Variants in EPGN observed in about 807,000 individuals in gnomAD.
EPGN encodes epithelial mitogen, also known as epigen.
A neutral mutation model predicts 20.7 loss-of-function variants in EPGN; 21 were observed. The observed-to-expected ratio is 1.01, with a 90% confidence interval of 0.72 to 1.46. The LOEUF (loss-of-function observed/expected upper bound fraction) is 1.46. EPGN is among the 40% of genes most tolerant of loss of function. EPGN has a pLI of 0.00. For missense variants in EPGN, 199 were observed against 180.7 expected (o/e 1.10, Z -0.58); for synonymous variants, 69 against 63.8 (o/e 1.08, Z -0.39).
intron 1 of EPGN, among the ~76,000 whole-genome samples, chr4:74,308,846 A>G (rs971843309): frequency 1.3e-5 from 2 of 152,132 alleles, no homozygotes; most frequent in Non-Finnish European, 2.9e-5. Context: ...TAGGGTTCTT[A>G]TTTTTTAATT....
At chr4:74,309,313 G>A (rs1283614463) in intron 2 of EPGN, 131 bp downstream of exon 2, 3 of 620,362 alleles carry the variant, frequency 4.8e-6, no homozygotes, top group African/African-American at 1.9e-5. Context: ...TCTTTTAGCA[G>A]GATGCTGTTA....
Position 74,314,810 on chromosome 4 carries a change from A to G in EPGN, c.*173A>G, listed in dbSNP as rs1219150150. On this transcript the variant is annotated 3_prime_UTR_variant, in exon 5 of 5. Coordinates refer to ENST00000413830, the MANE Select transcript of EPGN (RefSeq NM_001270989.2). ...TCAGCGTTGGCCTTTAGACTTTGCC[A>G]TCCTTAAGGAGTGATGGAAGCCAAG... 1.6e-6 allele frequency: 1 copy of G among 635,738 alleles called. No individual in the cohort carries two copies. The highest frequency in any genetic ancestry group is 1.8e-5 in the African/African-American group (1 of 54,300). The allele number at this position is 635,738 out of a possible 1,614,324, so 39.4% of individuals were successfully genotyped here.
chr4:74,309,199 T>G lies in EPGN; in HGVS notation c.133+17T>G, dbSNP rs1455582359. On this transcript the variant is annotated intron_variant, in intron 2 of 4. Transcript: ENST00000413830. Reference sequence around the variant, plus strand: ...AAACAGAAGGTATTTTCTTCCCATTTTCATATTTCACAAGACTTTTCTAAA... The same window carrying G: ...AAACAGAAGGTATTTTCTTCCCATTGTCATATTTCACAAGACTTTTCTAAA... The G allele has an allele frequency of 6.2e-7, 1 of 1,605,904 alleles. No homozygotes were observed. Among genetic ancestry groups the G allele is most frequent in the South Asian group, 1.1e-5 (1 of 89,934 alleles).
At chr4:74,312,390 T>G in intron 3 of EPGN, 85 bp downstream of exon 3, 1 of 1,454,886 alleles carries the variant, frequency 6.9e-7, no homozygotes, top group Non-Finnish European at 9.1e-7. Flanking sequence ...TCCACACTTT[T>G]CTCTCTTTAG....
intron 1 of EPGN, 64 bp downstream of exon 1, chr4:74,308,640 T>C: frequency 1.4e-6 from 2 of 1,411,290 alleles, no homozygotes; most frequent in Non-Finnish European, 2.0e-6. Context: ...GAATTTATTT[T>C]CTCTGCATTA....
rs1751204731 is a variant in EPGN, at chr4:74,315,003, G to A, written c.*366G>A. On this transcript the variant is annotated 3_prime_UTR_variant, in exon 5 of 5. Coordinates refer to ENST00000413830, the MANE Select transcript of EPGN (RefSeq NM_001270989.2). The stretch of plus-strand genomic sequence containing the variant: ...CAACCTTGCAGCAAGCCAAAGCAAT[G>A]CCTCGCTTGGGTTCTTCATGTTCTT... The A allele has an allele frequency of 9.3e-6, 2 of 214,972 alleles. No individual in the cohort carries two copies. Among genetic ancestry groups the A allele is most frequent in the Non-Finnish European group, 1.8e-5 (2 of 108,976 alleles). The allele number at this position is 214,972 out of a possible 1,614,324, so 13.3% of individuals were successfully genotyped here. A position where few individuals can be genotyped will look rare whatever the true frequency, so the allele number is the denominator to read the frequency against.
At chr4:74,309,051 A>C in intron 1 of EPGN, 42 bp from the exon 2 acceptor site, 1 of 1,404,234 alleles carries the variant, frequency 7.1e-7, no homozygotes, top group Non-Finnish European at 1.0e-6. Context: ...TGTACATAGA[A>C]GGAGGCTCTC....
chr4:74,316,063 A>G lies in EPGN; in HGVS notation c.*1426A>G, dbSNP rs1278583181. On this transcript the variant is annotated 3_prime_UTR_variant, in exon 5 of 5. Transcript: ENST00000413830. ...TATTTGTGCTTTTGTTTCATCTTCT[A>G]CAAGGCCCTCTTAGCTCTAAAACTT... 2.0e-5 allele frequency among the ~76,000 whole-genome samples: 3 copies of G among 152,048 alleles called. No individual in the cohort carries two copies. The highest frequency in any genetic ancestry group is 6.6e-5 in the Admixed American group (1 of 15,254).
At position 74,309,182 on chromosome 4, in the gene EPGN, G is replaced by A. The variant is rs752904414; in HGVS notation, c.133G>A (p.Ala45Thr). The A allele has an allele frequency of 6.2e-7, 1 of 1,609,856 alleles. No individual in the cohort carries two copies. The highest frequency in any genetic ancestry group is 2.2e-5 in the East Asian group (1 of 44,650). ...TAACTGGACAGTTAACAAAACAGAA[G>A]GTATTTTCTTCCCATTTTCATATTT... ...QGNWTVNKTE[A>T]DNIEGPIALK... is the part of the protein sequence containing the mutation. The change falls in exon 2 of 5, where the codon GCT (alanine) becomes ACT (threonine). Residue 45 changes from alanine (A) to threonine (T), a missense_variant and splice_region_variant. Coordinates refer to ENST00000413830, the MANE Select transcript of EPGN (RefSeq NM_001270989.2).
chr4:74,315,812 C>G lies in EPGN; in HGVS notation c.*1175C>G, dbSNP rs1402330217. Among the ~76,000 whole-genome samples, 7 of 151,762 alleles carry G rather than the reference C, an allele frequency of 4.6e-5. No homozygotes were observed. The highest frequency in any genetic ancestry group is 1.0e-4 in the Non-Finnish European group (7 of 67,946). On this transcript the variant is annotated 3_prime_UTR_variant, in exon 5 of 5. Transcript: ENST00000413830. ...ACTAAAAATACAAAAATTAGCTGGG[C>G]GTGGTGGTGCATGCCTGTAATCCCA...
chr4:74,314,072 C>T (rs1203710677), intron 4 of EPGN: 3 of 455,484 alleles, frequency 6.6e-6, no homozygotes, highest in African/African-American at 6.0e-5. Context: ...GCGGAGCCTT[C>T]AGATAGAGAT....
chr4:74,314,526 A>G, intron 4 of EPGN, 54 bp from the exon 5 acceptor site: 10 of 1,509,854 alleles, frequency 6.6e-6, no homozygotes, highest in South Asian at 1.2e-5. Context: ...GTAAGCTTCA[A>G]TGACCTATAT....
chr4:74,314,774 G>A lies in EPGN; in HGVS notation c.*137G>A. On this transcript the variant is annotated 3_prime_UTR_variant, in exon 5 of 5. Coordinates refer to ENST00000413830, the MANE Select transcript of EPGN (RefSeq NM_001270989.2). ...GAAAGTTGGGATCACAATGAAATGAGAAGATAAAATTCAGCGTTGGCCTTT... is the reference window on the plus strand; with the variant it reads ...GAAAGTTGGGATCACAATGAAATGAAAAGATAAAATTCAGCGTTGGCCTTT... The A allele has an allele frequency of 3.6e-6, 3 of 843,702 alleles. No individual in the cohort carries two copies. The South Asian group carries it at 5.2e-5, about 15-fold the overall frequency. 52.3% of individuals were successfully genotyped at this position (843,702 alleles called of 1,614,324 possible). A position where few individuals can be genotyped will look rare whatever the true frequency, so the allele number is the denominator to read the frequency against.
chr4:74,308,993 A>G, intron 1 of EPGN, 100 bp from the exon 2 acceptor site: 1 of 904,056 alleles, frequency 1.1e-6, no homozygotes, highest in South Asian at 1.7e-5. Flanking sequence ...TAAATTAAAA[A>G]AATAGAAATT....
At position 74,314,670 on chromosome 4, in the gene EPGN, G is replaced by C; in HGVS notation, c.*33G>C. The C allele has an allele frequency of 2.6e-6, 4 of 1,527,258 alleles. No homozygotes were observed. The highest frequency in any genetic ancestry group is 3.5e-6 in the Non-Finnish European group (4 of 1,139,718). 94.6% of individuals were successfully genotyped at this position (1,527,258 alleles called of 1,614,324 possible). On this transcript the variant is annotated 3_prime_UTR_variant, in exon 5 of 5. Transcript: ENST00000413830. ...GTGAAGAATTTTCATCAAGGCATCT[G>C]TAGAGATCAGTGAGCCCAAAATTAA...
chr4:74,309,139 A>G lies in EPGN; in HGVS notation c.90A>G (p.Pro30=). ...TEEAAVTVTP[P]ITAQQGNWTV... is the part of the protein sequence containing the mutation. The stretch of plus-strand genomic sequence containing the variant: ...AGGCAGCCGTGACTGTAACACCTCC[A>G]ATCACAGCCCAGCAAGGTAACTGGA... The change falls in exon 2 of 5, where the codon CCA becomes CCG. Residue 30 remains proline, a synonymous_variant. Transcript: ENST00000413830. 2 of 1,613,676 alleles carry G rather than the reference A, an allele frequency of 1.2e-6. No homozygotes were observed. The highest frequency in any genetic ancestry group is 1.7e-6 in the Non-Finnish European group (2 of 1,179,688).
chr4:74,310,495 A>G (rs1028704643), intron 2 of EPGN, among the ~76,000 whole-genome samples: 11 of 151,028 alleles, frequency 7.3e-5, no homozygotes, highest in African/African-American at 2.4e-4. Flanking sequence ...AGAAGATAAT[A>G]TACTGCAGAA....
intron 4 of EPGN, chr4:74,313,701 T>C: frequency 2.5e-6 from 2 of 803,520 alleles, no homozygotes; most frequent in Middle Eastern, 6.3e-4. Context: ...CAAATAATTG[T>C]AATTATTTAC....
intron 4 of EPGN, chr4:74,313,421 G>T: frequency 1.5e-6 from 2 of 1,311,324 alleles, no homozygotes; most frequent in South Asian, 2.6e-5. Context: ...ATCTCTGTCT[G>T]CCCATATCAA....
Sources: allele counts gnomAD v4.1 joint callset (sites outside exome capture counted in the v4.1 genomes callset), GRCh38; gene constraint gnomAD v4.1.1; transcripts MANE v1.5; gene names NCBI Gene and HGNC (gene_info 2026-07-23, HGNC 2026-07-21).